Variants in PTPN12 observed in about 807,000 individuals in gnomAD.
The protein encoded by PTPN12 is tyrosine-protein phosphatase non-receptor type 12.
PTPN12 carries 29 observed loss-of-function variants against 97.6 expected under a neutral mutation model. The ratio of observed to expected loss-of-function variants is 0.30; its 90% CI spans 0.22 to 0.41. The LOEUF is 0.41. Among genes scored for constraint, PTPN12 ranks in the 10% least tolerant of loss-of-function variants. The pLI, the probability that PTPN12 is intolerant of heterozygous loss-of-function variation, is 1.00. For missense variants in PTPN12, 819 were observed against 926.0 expected (o/e 0.88, Z 1.50); for synonymous variants, 327 against 300.4 (o/e 1.09, Z -0.91).
chr7:77,567,893 CAGAG>C (rs1808325101), intron 1 of PTPN12, among the ~76,000 whole-genome samples: 1 of 152,054 alleles, frequency 6.6e-6, no homozygotes. Context: ...AGATGAGACA[CAGAG>C]AGGTTAAATA....
chr7:77,599,069 ATGCTTATCACATT>A (rs1788110685), intron 7 of PTPN12, among the ~76,000 whole-genome samples: 1 of 151,520 alleles, frequency 6.6e-6, no homozygotes, highest in Admixed American at 6.6e-5. Context: ...CTTGACATTT[ATGCTTATCACATT>A]ACATAAAAAG....
At chr7:77,604,941 A>G in intron 8 of PTPN12, 1 of 395,330 alleles carries the variant, frequency 2.5e-6, no homozygotes, top group Non-Finnish European at 5.2e-6. Context: ...GTTATGTAAG[A>G]AATGTTACAT....
intron 11 of PTPN12, among the ~76,000 whole-genome samples, chr7:77,612,811 G>A (rs1439935165): frequency 2.0e-5 from 3 of 149,640 alleles, no homozygotes; most frequent in Non-Finnish European, 4.4e-5. Flanking sequence ...TTTTGATGAC[G>A]AAGTCTCACT....
intron 2 of PTPN12, among the ~76,000 whole-genome samples, chr7:77,580,688 AT>A (rs963547023): frequency 3.9e-5 from 6 of 152,080 alleles, no homozygotes; most frequent in Non-Finnish European, 7.4e-5. Flanking sequence ...TTTTTTAAAG[AT>A]TTTTTTACTC....
At chr7:77,598,242 GA>G (rs1178345188) in intron 7 of PTPN12, among the ~76,000 whole-genome samples, 22 of 149,148 alleles carry the variant, frequency 1.5e-4, no homozygotes, top group African/African-American at 4.4e-4. Flanking sequence ...TTTTCAAAGA[GA>G]AGACATAGAG....
intron 9 of PTPN12, among the ~76,000 whole-genome samples, chr7:77,609,379 C>A (rs1788484661): frequency 6.8e-6 from 1 of 147,264 alleles, no homozygotes; most frequent in African/African-American, 2.5e-5. Context: ...TCAAGCGATT[C>A]TCCTGCCTTA....
chr7:77,551,122 A>G (rs755910172), intron 1 of PTPN12, among the ~76,000 whole-genome samples: 1 of 152,104 alleles, frequency 6.6e-6, no homozygotes, highest in Admixed American at 6.6e-5. Flanking sequence ...GTGCAGGGGC[A>G]TGATCTCTGC....
chr7:77,608,242 A>G (rs1004994564), intron 9 of PTPN12, among the ~76,000 whole-genome samples: 1 of 152,158 alleles, frequency 6.6e-6, no homozygotes. Flanking sequence ...TAGTGCCTCT[A>G]TTTCTTTATC....
At chr7:77,576,935 G>A (rs1787362321) in intron 2 of PTPN12, among the ~76,000 whole-genome samples, 1 of 152,206 alleles carries the variant, frequency 6.6e-6, no homozygotes, top group South Asian at 2.1e-4. Context: ...AGCCAGCTGG[G>A]AGGGCGGGGA....
intron 1 of PTPN12, among the ~76,000 whole-genome samples, chr7:77,566,897 T>A (rs1039007056): frequency 6.6e-6 from 1 of 152,068 alleles, no homozygotes; most frequent in East Asian, 1.9e-4. Context: ...TGATTAAAAA[T>A]TCTTTCTTGC....
chr7:77,587,098 C>T (rs62473663), intron 5 of PTPN12, among the ~76,000 whole-genome samples: 36,693 of 151,716 alleles, frequency 0.24, 4,679 homozygotes, highest in Non-Finnish European at 0.28. Flanking sequence ...CCTCCTCCCA[C>T]GAATCATGAA....
At chr7:77,609,444 G>A (rs758974457) in intron 9 of PTPN12, among the ~76,000 whole-genome samples, 34 of 151,100 alleles carry the variant, frequency 2.3e-4, no homozygotes, top group Non-Finnish European at 4.4e-4. Context: ...GCTAATTTTT[G>A]TATTTTTAGT....
At chr7:77,632,507 C>A in intron 14 of PTPN12, 82 bp downstream of exon 14, 2 of 1,006,332 alleles carry the variant, frequency 2.0e-6, no homozygotes, top group South Asian at 1.4e-5. Flanking sequence ...AATCTATTAG[C>A]TATTGTGCTA....
intron 1 of PTPN12, among the ~76,000 whole-genome samples, chr7:77,568,738 ACT>A (rs1037470167): frequency 6.6e-6 from 1 of 151,650 alleles, no homozygotes; most frequent in African/African-American, 2.4e-5. Flanking sequence ...AAACTCAACC[ACT>A]CTTTGTACTA....
At position 77,548,655 on chromosome 7, in the gene PTPN12, A is replaced by T. The variant is rs567253866; in HGVS notation, c.99+11010A>T. Among the ~76,000 whole-genome samples the T allele has an allele frequency of 1.1e-3, 173 of 152,090 alleles. 1 individual carries two copies. The highest frequency in any genetic ancestry group is 4.1e-3 in the African/African-American group (170 of 41,502). ...AAAAGTCAATAAAGCCCCACTTCCTACCCCCCTAGAGTAGAGCATAAATAT... is the reference window on the plus strand; with the variant it reads ...AAAAGTCAATAAAGCCCCACTTCCTTCCCCCCTAGAGTAGAGCATAAATAT... On this transcript the variant is annotated intron_variant, in intron 1 of 17. Transcript: ENST00000248594.
chr7:77,545,280 C>G (rs1329797409), intron 1 of PTPN12, among the ~76,000 whole-genome samples: 1 of 152,146 alleles, frequency 6.6e-6, no homozygotes, highest in Non-Finnish European at 1.5e-5. Flanking sequence ...CTTTCCTCAT[C>G]CAGTCCATTC....
At chr7:77,572,130 T>C (rs1250973180) in intron 2 of PTPN12, among the ~76,000 whole-genome samples, 1 of 151,836 alleles carries the variant, frequency 6.6e-6, no homozygotes, top group African/African-American at 2.4e-5. Context: ...AGTCTTGCTC[T>C]GTAGCCCAGG....
intron 1 of PTPN12, among the ~76,000 whole-genome samples, chr7:77,547,950 A>G (rs192870915): frequency 6.6e-5 from 10 of 152,334 alleles, no homozygotes; most frequent in Admixed American, 5.9e-4. Flanking sequence ...CTTAAATGCT[A>G]TTATGAAATT....
Position 77,635,285 on chromosome 7 carries a change from C to T in PTPN12, c.2075-497C>T, listed in dbSNP as rs1789548754. Among the ~76,000 whole-genome samples, 3 of 152,142 alleles carry T rather than the reference C, an allele frequency of 2.0e-5. No homozygotes were observed. In the South Asian group the frequency reaches 6.2e-4, roughly 32 times the overall value. On this transcript the variant is annotated intron_variant, in intron 14 of 17. Transcript: ENST00000248594. ...TGTCTGTATAAAATCAAAAATTAGCCAGGCGAGGTGGCATGCACCTATAGT... is the reference window on the plus strand; with the variant it reads ...TGTCTGTATAAAATCAAAAATTAGCTAGGCGAGGTGGCATGCACCTATAGT...
Sources: allele counts gnomAD v4.1 joint callset (sites outside exome capture counted in the v4.1 genomes callset), GRCh38; gene constraint gnomAD v4.1.1; transcripts MANE v1.5; gene names NCBI Gene and HGNC (gene_info 2026-07-23, HGNC 2026-07-21).